Variants in NRG4 observed in about 807,000 individuals in gnomAD.
NRG4 encodes pro-neuregulin-4, membrane-bound isoform.
Under a neutral mutation model 15.0 loss-of-function variants are expected in NRG4, and 10 were observed. The observed-to-expected ratio is 0.67, with a 90% CI of 0.41 to 1.13. NRG4 has a LOEUF of 1.13. Among genes scored for constraint, NRG4 ranks in the 50% most tolerant of loss-of-function variants. NRG4 has a pLI of 0.00. For synonymous variants in NRG4, 41 were observed against 50.1 expected, an observed-to-expected ratio of 0.82 and a Z score of 0.77; for missense variants, 139 against 140.2, an observed-to-expected ratio of 0.99 and a Z score of 0.04.
chr15:76,057,023 G>T (rs1190508115), intron 1 of NRG4: 5 of 152,156 alleles, frequency 3.3e-5, no homozygotes, highest in Admixed American at 3.3e-4. Flanking sequence ...GTTATGTCTG[G>T]CAAGGAAGTG....
intron 3 of NRG4, among the ~76,000 whole-genome samples, chr15:75,982,218 A>G (rs1042255047): frequency 5.9e-5 from 9 of 152,346 alleles, no homozygotes; most frequent in East Asian, 1.9e-4. Context: ...ACCGTAGGTC[A>G]TTCTCACGAA....
rs377386287 is a variant in NRG4, at chr15:75,946,650, C to T, written c.332-2996G>A. Among the ~76,000 whole-genome samples, 17 of 152,022 alleles carry T rather than the reference C, an allele frequency of 1.1e-4. 1 individual carries two copies. The highest frequency in any genetic ancestry group is 3.4e-4 in the African/African-American group (14 of 41,440). On this transcript the variant is annotated intron_variant, in intron 5 of 5. Coordinates refer to ENST00000394907, the MANE Select transcript of NRG4 (RefSeq NM_138573.4). ...CTGGGATTATAGGCGTGAGCCACCG[C>T]GCCTGGCCCTCCAGAACTTTTTCAT...
chr15:75,954,688 GTGTTGGGA>G (rs1166774803), intron 5 of NRG4, among the ~76,000 whole-genome samples: 4 of 151,976 alleles, frequency 2.6e-5, no homozygotes, highest in African/African-American at 9.7e-5. Context: ...GCCTCCCAAA[GTGTTGGGA>G]TTACAGGTAT....
chr15:76,012,413 T>C lies in NRG4; in HGVS notation c.-151A>G, dbSNP rs1188299420. ...CAGCTGTGACTTGCATTTTATAACATGTCAAAAATCTGATTTATATGGCTG... is the reference window on the plus strand; with the variant it reads ...CAGCTGTGACTTGCATTTTATAACACGTCAAAAATCTGATTTATATGGCTG... On this transcript the variant is annotated 5_prime_UTR_variant, in exon 1 of 6. The change abolishes an upstream ATG in the 5' untranslated region. Transcript: ENST00000394907. 1.3e-5 allele frequency: 2 copies of C among 152,200 alleles called. No individual in the cohort carries two copies. Among genetic ancestry groups the C allele is most frequent in the Non-Finnish European group, 2.9e-5 (2 of 68,040 alleles). The allele number at this position is 152,200 out of a possible 1,614,324, so 9.4% of individuals were successfully genotyped here.
At chr15:76,036,471 T>C (rs1372054780) in intron 4 of NRG4, among the ~76,000 whole-genome samples, 2 of 152,214 alleles carry the variant, frequency 1.3e-5, no homozygotes, top group African/African-American at 4.8e-5. Flanking sequence ...AGTGTAGCTA[T>C]ACAGTATACA....
chr15:76,015,004 T>C (rs1408870023), upstream of NRG4, among the ~76,000 whole-genome samples: 1 of 152,234 alleles, frequency 6.6e-6, no homozygotes, highest in Non-Finnish European at 1.5e-5. Flanking sequence ...TTTGTTTGTG[T>C]CCTCTCTTAT....
intron 3 of NRG4, among the ~76,000 whole-genome samples, chr15:75,992,995 G>T (rs1324989708): frequency 6.6e-6 from 1 of 151,640 alleles, no homozygotes; most frequent in Non-Finnish European, 1.5e-5. Context: ...ATTTTTGCAA[G>T]ATACAAAGTT....
chr15:76,008,591 C>T (rs146753571), intron 3 of NRG4, among the ~76,000 whole-genome samples: 2 of 152,110 alleles, frequency 1.3e-5, no homozygotes, highest in Non-Finnish European at 2.9e-5. Flanking sequence ...TTCAACCAAA[C>T]TCATAGGAAT....
chr15:75,991,643 G>A (rs540088284), intron 3 of NRG4, among the ~76,000 whole-genome samples: 54 of 135,716 alleles, frequency 4.0e-4, no homozygotes, highest in African/African-American at 1.4e-3. Flanking sequence ...TTTTTTTTTT[G>A]GTCTAATTGG....
intron 5 of NRG4, among the ~76,000 whole-genome samples, chr15:75,952,907 ATCATATGTATAAGTC>A (rs1352644801): frequency 6.6e-6 from 1 of 152,158 alleles, no homozygotes; most frequent in Admixed American, 6.5e-5. Context: ...TGTATTTCAG[ATCATATGTATAAGTC>A]TCATATGTAT....
chr15:75,962,173 T>A (rs1249294400), intron 3 of NRG4, among the ~76,000 whole-genome samples, 199 bp from the exon 4 acceptor site: 3 of 152,156 alleles, frequency 2.0e-5, no homozygotes, highest in Non-Finnish European at 4.4e-5. Context: ...AATAAAACAA[T>A]TTTTTACTAT....
chr15:76,009,059 G>A (rs2034711730), intron 3 of NRG4, 141 bp downstream of exon 3: 10 of 612,076 alleles, frequency 1.6e-5, no homozygotes, highest in Middle Eastern at 3.3e-4. Context: ...TGTTTTAAAA[G>A]GATAATTTTC....
intron 4 of NRG4, among the ~76,000 whole-genome samples, chr15:75,960,075 T>G (rs1201030661): frequency 6.6e-6 from 1 of 152,208 alleles, no homozygotes; most frequent in African/African-American, 2.4e-5. Flanking sequence ...TTAGGGTTGG[T>G]AGTTACTGCA....
chr15:76,008,500 G>A (rs1349559904), intron 3 of NRG4, among the ~76,000 whole-genome samples: 2 of 152,070 alleles, frequency 1.3e-5, no homozygotes, highest in East Asian at 3.9e-4. Flanking sequence ...TAGATCTTGG[G>A]TGTTAGCTCC....
chr15:76,032,835 G>C (rs147594591), intron 5 of NRG4, among the ~76,000 whole-genome samples: 4 of 152,298 alleles, frequency 2.6e-5, no homozygotes, highest in African/African-American at 9.6e-5. Flanking sequence ...ACAACTGAAA[G>C]TAAAAGTAGA....
At chr15:76,011,116 T>G in intron 2 of NRG4, 105 bp downstream of exon 2, 8 of 925,366 alleles carry the variant, frequency 8.6e-6, no homozygotes, top group Non-Finnish European at 8.9e-6. Flanking sequence ...CTTCCAATGA[T>G]GTTGGAAGGG....
rs775859721 is a variant in NRG4 at position 75,955,976 on chromosome 15, T to C, written c.287A>G (p.Tyr96Cys). The change falls in exon 5 of 6, where the codon TAT becomes TGT. Residue 96 changes from tyrosine to cysteine, a missense_variant. Transcript: ENST00000394907. The part of the protein sequence containing the change: ...GHFQRASSVQ[Y>C]DINLVETSST... ...GCTCGTCTCTACCAGGTTGATATCA[T>C]ACTGGACTGAACTGGCTCTCTGAAA... 4.3e-6 allele frequency: 7 copies of C among 1,611,970 alleles called. No individual in the cohort carries two copies. Among genetic ancestry groups the C allele is most frequent in the South Asian group, 2.2e-5 (2 of 91,032 alleles).
chr15:75,961,318 A>G (rs532908116), intron 4 of NRG4, among the ~76,000 whole-genome samples: 7 of 152,038 alleles, frequency 4.6e-5, no homozygotes, highest in Non-Finnish European at 7.4e-5. Context: ...CAGTTTCCCC[A>G]AATTAATTGC....
Position 75,969,063 on chromosome 15 carries a change from C to G in NRG4, c.105-7089G>C, listed in dbSNP as rs1467420081. On this transcript the variant is annotated intron_variant, in intron 3 of 5. Coordinates refer to ENST00000394907, the MANE Select transcript of NRG4 (RefSeq NM_138573.4). ...AGGAACAGCTGGAAAGACTTACACT[C>G]TTAAATCACCAGACACTCAATTAAA... The G allele has an allele frequency of 1.1e-5, 4 of 374,584 alleles. No individual in the cohort carries two copies. In the Admixed American group the frequency reaches 1.2e-4, roughly 11 times the overall value. The allele number at this position is 374,584 out of a possible 1,614,324, so 23.2% of individuals were successfully genotyped here.
Sources: allele counts gnomAD v4.1 joint callset (sites outside exome capture counted in the v4.1 genomes callset), GRCh38; gene constraint gnomAD v4.1.1; transcripts MANE v1.5; gene names NCBI Gene and HGNC (gene_info 2026-07-23, HGNC 2026-07-21).